Variants in SRPK2 observed in about 807,000 individuals in gnomAD.
The protein encoded by SRPK2 is SRSF protein kinase 2.
In SRPK2, 21 loss-of-function variants were observed where a neutral mutation model predicts 90.8. That is an observed-to-expected ratio of 0.23 (90% CI 0.16 to 0.33). SRPK2 has a LOEUF of 0.33. Ranked by LOEUF, SRPK2 falls within the 10% of genes least tolerant of loss-of-function variation. The probability of loss-of-function intolerance (pLI) is 1.00; values close to 1 mark genes in which losing one functional copy is unlikely to be tolerated. For synonymous variants in SRPK2, 288 were observed against 311.1 expected (o/e 0.93, Z 0.78); for missense variants, 620 against 869.0 (o/e 0.71, Z 3.60).
In SRPK2 at chr7:105,195,197, G is replaced by A. The variant is rs559870283; in HGVS notation, c.229+8431C>T. Among the ~76,000 whole-genome samples, 31 of 152,236 alleles carry A rather than the reference G, an allele frequency of 2.0e-4. No individual in the cohort carries two copies. In the South Asian group the frequency reaches 6.0e-3, roughly 30 times the overall value. ...CCCGAGGAGCTGGGACTACAGGCGC[G>A]TGCCACCGTGCCCGGCTAATTTTTT... On this transcript the variant is annotated intron_variant, in intron 3 of 15. Coordinates refer to ENST00000393651, the MANE Select transcript of SRPK2 (RefSeq NM_182692.3).
chr7:105,362,217 C>T (rs981767976), intron 2 of SRPK2, among the ~76,000 whole-genome samples: 135 of 152,252 alleles, frequency 8.9e-4, no homozygotes, highest in Non-Finnish European at 7.4e-5. Flanking sequence ...CCAACAGACA[C>T]ATGAAAAAAT....
chr7:105,171,052 G>GAAAAGAA (rs1221619394), intron 3 of SRPK2, among the ~76,000 whole-genome samples: 4 of 133,356 alleles, frequency 3.0e-5, no homozygotes, highest in African/African-American at 1.1e-4. Context: ...GGCAGGCAAG[G>GAAAAGAA]AAAAGAAAAA....
Position 105,142,143 on chromosome 7 carries a change from A to G in SRPK2, c.1408T>C (p.Ser470Pro). Residue 470 changes from serine (S) to proline (P), a missense_variant, in exon 11 of 16, where the codon TCT becomes CCT. Physicochemically the swap from Ser to Pro is moderately conservative, Grantham distance 74. Coordinates refer to ENST00000393651, the MANE Select transcript of SRPK2 (RefSeq NM_182692.3). Reference sequence around the variant, plus strand: ...CAGGCCACAGGTTCTAAGGATCCAGAGAACAACGAGGTGGAAAACTCTGGG... The same window carrying G: ...CAGGCCACAGGTTCTAAGGATCCAGGGAACAACGAGGTGGAAAACTCTGGG... The part of the protein sequence containing the change: ...QFPEFSTSLF[S>P]GSLEPVACGS... The G allele has an allele frequency of 6.2e-7, 1 of 1,614,242 alleles. No individual in the cohort carries two copies. Among genetic ancestry groups the G allele is most frequent in the Non-Finnish European group, 8.5e-7 (1 of 1,180,038 alleles).
chr7:105,317,853 A>T (rs1812480261), intron 2 of SRPK2, among the ~76,000 whole-genome samples: 1 of 152,052 alleles, frequency 6.6e-6, no homozygotes, highest in African/African-American at 2.4e-5. Flanking sequence ...GATTCAGGTG[A>T]TCCTCCCACC....
chr7:105,203,566 A>G (rs991992620), intron 3 of SRPK2, 62 bp downstream of exon 3: 14 of 1,392,536 alleles, frequency 1.0e-5, no homozygotes, highest in African/African-American at 9.0e-5. Flanking sequence ...CATTCCCCCA[A>G]CAAATTACTA....
chr7:105,121,851 A>G (rs1353408770), intron 15 of SRPK2, among the ~76,000 whole-genome samples: 2 of 152,232 alleles, frequency 1.3e-5, no homozygotes, highest in Non-Finnish European at 2.9e-5. Context: ...TATCCATGAA[A>G]TTGTCATATT....
chr7:105,351,521 G>A (rs769795585), intron 2 of SRPK2, among the ~76,000 whole-genome samples: 31 of 151,534 alleles, frequency 2.0e-4, no homozygotes, highest in African/African-American at 2.7e-4. Context: ...ATAAATCACC[G>A]GCCGGGCGCA....
At chr7:105,171,585 T>C (rs1267256929) in intron 3 of SRPK2, among the ~76,000 whole-genome samples, 1 of 152,234 alleles carries the variant, frequency 6.6e-6, no homozygotes, top group Non-Finnish European at 1.5e-5. Flanking sequence ...CTTCAATATA[T>C]TCCCAGAGGG....
chr7:105,252,083 A>G (rs934598363), intron 2 of SRPK2, among the ~76,000 whole-genome samples: 3 of 152,228 alleles, frequency 2.0e-5, no homozygotes, highest in African/African-American at 7.2e-5. Flanking sequence ...AGGATATAAC[A>G]CCAGGCAAGT....
chr7:105,329,142 T>C (rs1813966464), intron 2 of SRPK2, among the ~76,000 whole-genome samples: 1 of 152,146 alleles, frequency 6.6e-6, no homozygotes, highest in Non-Finnish European at 1.5e-5. Context: ...CTCCCCCAAA[T>C]TTTTTTCTCC....
At chr7:105,121,563 TCA>T (rs900283812) in intron 15 of SRPK2, among the ~76,000 whole-genome samples, 3 of 152,018 alleles carry the variant, frequency 2.0e-5, no homozygotes, top group Non-Finnish European at 4.4e-5. Flanking sequence ...CAGTATCAAC[TCA>T]CACACACACA....
At chr7:105,314,621 C>T (rs1394674186) in intron 2 of SRPK2, among the ~76,000 whole-genome samples, 5 of 152,090 alleles carry the variant, frequency 3.3e-5, no homozygotes, top group Admixed American at 6.5e-5. Context: ...TGACCTCAGG[C>T]GATCTGCCCG....
chr7:105,207,836 G>T (rs749468865), intron 2 of SRPK2, among the ~76,000 whole-genome samples: 4 of 152,088 alleles, frequency 2.6e-5, no homozygotes, highest in Non-Finnish European at 5.9e-5. Flanking sequence ...ACTTCAAAGG[G>T]CACCATCAAG....
intron 12 of SRPK2, 26 bp downstream of exon 12, chr7:105,132,978 G>C: frequency 6.2e-7 from 1 of 1,613,674 alleles, no homozygotes; most frequent in Non-Finnish European, 8.5e-7. Flanking sequence ...CAAGACCAAA[G>C]GTTTTAGAAA....
chr7:105,388,530 T>A, intron 2 of SRPK2, 118 bp downstream of exon 2: 1 of 796,046 alleles, frequency 1.3e-6, no homozygotes. Context: ...AGCGCCAGCG[T>A]CCCGGGGGAC....
At chr7:105,345,301 A>G (rs1210408292) in intron 2 of SRPK2, among the ~76,000 whole-genome samples, 1 of 152,130 alleles carries the variant, frequency 6.6e-6, no homozygotes, top group Non-Finnish European at 1.5e-5. Flanking sequence ...GACACAAAGA[A>G]CAGTAACAAC....
At chr7:105,238,577 G>A (rs1450498451) in intron 2 of SRPK2, among the ~76,000 whole-genome samples, 2 of 152,164 alleles carry the variant, frequency 1.3e-5, no homozygotes, top group Non-Finnish European at 2.9e-5. Context: ...GCCCACAGCT[G>A]CTGCCTCTCC....
intron 2 of SRPK2, among the ~76,000 whole-genome samples, chr7:105,285,072 G>A (rs1009282382): frequency 3.3e-5 from 5 of 152,090 alleles, no homozygotes; most frequent in Admixed American, 3.3e-4. Flanking sequence ...GTACTGAGTT[G>A]CTGGTTTCCA....
chr7:105,159,633 C>G (rs1384235064), intron 7 of SRPK2, among the ~76,000 whole-genome samples: 3 of 151,990 alleles, frequency 2.0e-5, no homozygotes, highest in African/African-American at 7.2e-5. Context: ...ATGCAGAACA[C>G]TGGAATGGGC....
Sources: allele counts gnomAD v4.1 joint callset (sites outside exome capture counted in the v4.1 genomes callset), GRCh38; gene constraint gnomAD v4.1.1; transcripts MANE v1.5; gene names NCBI Gene and HGNC (gene_info 2026-07-23, HGNC 2026-07-21).